Variants in AATF observed in about 807,000 individuals in gnomAD.
AATF encodes the protein protein AATF.
AATF carries 48 observed loss-of-function variants against 63.7 expected under a neutral mutation model. The ratio of observed to expected loss-of-function variants is 0.75; its 90% confidence interval spans 0.60 to 0.96. The LOEUF is 0.96. AATF is among the 40% of genes least tolerant of loss of function. The pLI is 0.00. For missense variants in AATF, 639 were observed against 685.7 expected, an observed-to-expected ratio of 0.93 and a Z score of 0.76; for synonymous variants, 258 against 247.7, an observed-to-expected ratio of 1.04 and a Z score of -0.39.
chr17:36,959,470 A>T (rs1451708501), intron 4 of AATF, among the ~76,000 whole-genome samples: 2 of 152,170 alleles, frequency 1.3e-5, no homozygotes, highest in South Asian at 2.1e-4. Context: ...AACAAACAAA[A>T]AACATGACTG....
Position 37,054,254 on chromosome 17 carries a change from T to C in AATF, c.1620-2347T>C, listed in dbSNP as rs1409811250. Reference sequence around the variant, plus strand: ...CCCCAGGGAGGGTCTGCTTTGTCTGTCTCAGAGAAGGGAGTGGAAGAGTCA... The same window carrying C: ...CCCCAGGGAGGGTCTGCTTTGTCTGCCTCAGAGAAGGGAGTGGAAGAGTCA... On this transcript the variant is annotated intron_variant, in intron 11 of 11. Coordinates refer to ENST00000619387, the MANE Select transcript of AATF (RefSeq NM_012138.4). Among the ~76,000 whole-genome samples the C allele has an allele frequency of 2.0e-5, 3 of 152,132 alleles. No homozygotes were observed. The East Asian group carries it at 5.8e-4, about 29-fold the overall frequency.
At chr17:37,049,335 G>T (rs967341320) in intron 11 of AATF, among the ~76,000 whole-genome samples, 3 of 152,122 alleles carry the variant, frequency 2.0e-5, no homozygotes, top group Non-Finnish European at 4.4e-5. Context: ...GGGCGCGGTG[G>T]CTCACGCCTG....
intron 11 of AATF, among the ~76,000 whole-genome samples, chr17:37,036,611 A>G (rs561142588): frequency 6.6e-6 from 1 of 152,202 alleles, no homozygotes; most frequent in South Asian, 2.1e-4. Context: ...TTTTAAAAAA[A>G]AAAACCTTTT....
intron 9 of AATF, among the ~76,000 whole-genome samples, chr17:37,019,309 T>G (rs1190064734): frequency 1.3e-5 from 2 of 152,242 alleles, no homozygotes; most frequent in African/African-American, 4.8e-5. Context: ...TCCAAAGTCT[T>G]TCTTATGCTC....
At chr17:36,954,092 G>C (rs1221439242) in intron 4 of AATF, among the ~76,000 whole-genome samples, 185 bp downstream of exon 4, 2 of 131,732 alleles carry the variant, frequency 1.5e-5, no homozygotes, top group Non-Finnish European at 1.5e-5. Flanking sequence ...TTTTGAGACA[G>C]AGTCTCGCTC....
intron 11 of AATF, among the ~76,000 whole-genome samples, chr17:37,042,237 T>C (rs1291130321): frequency 2.6e-5 from 4 of 152,112 alleles, no homozygotes; most frequent in Non-Finnish European, 5.9e-5. Flanking sequence ...TTCATTGTTT[T>C]ATGATTAGGC....
At chr17:37,025,832 A>G (rs990908389) in intron 10 of AATF, among the ~76,000 whole-genome samples, 3 of 152,210 alleles carry the variant, frequency 2.0e-5, no homozygotes, top group Non-Finnish European at 2.9e-5. Flanking sequence ...TTTGCAGGCA[A>G]GGTCCACAAT....
chr17:36,986,725 C>A lies in AATF; in HGVS notation c.941C>A (p.Ala314Glu), dbSNP rs200375945. The change falls in exon 5 of 12, where the codon GCG becomes GAG. Residue 314 changes from alanine to glutamate, a missense_variant. Ala to Glu is a moderately radical substitution (Grantham distance 107). Transcript: ENST00000619387. Reference sequence around the variant, plus strand: ...CTAGTAGATGGGACAAAGCCCAATGCGGGAAGGTAAGAGAACAGAATCATG... The same window carrying A: ...CTAGTAGATGGGACAAAGCCCAATGAGGGAAGGTAAGAGAACAGAATCATG... Reference protein sequence around the residue: ...RYLVDGTKPNAGSEEISSEDD... With the variant: ...RYLVDGTKPNEGSEEISSEDD... The A allele has an allele frequency of 6.2e-7, 1 of 1,612,134 alleles. No homozygotes were observed. Among genetic ancestry groups the A allele is most frequent in the Non-Finnish European group, 8.5e-7 (1 of 1,178,360 alleles).
At chr17:36,981,124 T>C (rs2071120308) in intron 4 of AATF, among the ~76,000 whole-genome samples, 1 of 152,194 alleles carries the variant, frequency 6.6e-6, no homozygotes, top group Non-Finnish European at 1.5e-5. Context: ...GCTTTCTTGT[T>C]GGATTGATAT....
intron 4 of AATF, among the ~76,000 whole-genome samples, chr17:36,974,104 G>A (rs1055477375): frequency 4.0e-5 from 6 of 151,424 alleles, no homozygotes; most frequent in East Asian, 1.9e-4. Context: ...AAATAGCCAA[G>A]CAAAATTAAG....
chr17:37,031,282 G>T, intron 10 of AATF: 1 of 297,016 alleles, frequency 3.4e-6, no homozygotes, highest in Non-Finnish European at 6.4e-6. Flanking sequence ...ATTGCATTAA[G>T]TATTTTAAGT....
In AATF at chr17:37,056,820, C is replaced by T; in HGVS notation, c.*156C>T. 3.0e-6 allele frequency: 2 copies of T among 675,718 alleles called. No individual in the cohort carries two copies. Among genetic ancestry groups the T allele is most frequent in the East Asian group, 2.7e-5 (1 of 36,424 alleles). The allele number at this position is 675,718 out of a possible 1,614,324, so 41.9% of individuals were successfully genotyped here. On this transcript the variant is annotated 3_prime_UTR_variant, in exon 12 of 12. Transcript: ENST00000619387. ...TGCCTAATACACGCAAGGGCGCTGT[C>T]CCGCCCAACCCCGCCTTTAAACGCC...
rs192978537 is a variant in AATF, at chr17:37,010,151, C to T, written c.1399-8854C>T. On this transcript the variant is annotated intron_variant, in intron 8 of 11. Transcript: ENST00000619387. ...AAAGCAAACACAGATATGGTATTTTCTCTCAGAAATAATTGTTTTCTGGCC... is the reference window on the plus strand; with the variant it reads ...AAAGCAAACACAGATATGGTATTTTTTCTCAGAAATAATTGTTTTCTGGCC... Among the ~76,000 whole-genome samples, 286 of 152,098 alleles carry T rather than the reference C, an allele frequency of 1.9e-3. 1 individual carries two copies. The highest frequency in any genetic ancestry group is 6.5e-3 in the African/African-American group (271 of 41,488).
At chr17:37,031,794 C>A in intron 11 of AATF, 109 bp downstream of exon 11, 1 of 904,592 alleles carries the variant, frequency 1.1e-6, no homozygotes, top group Non-Finnish European at 1.8e-6. Flanking sequence ...AACCATTTGT[C>A]ATTGGCATCG....
intron 4 of AATF, 104 bp downstream of exon 4, chr17:36,954,011 T>G: frequency 2.4e-6 from 3 of 1,253,174 alleles, no homozygotes; most frequent in East Asian, 2.5e-5. Flanking sequence ...TATTGTGCTT[T>G]CTTCTCATCT....
chr17:36,973,949 T>C (rs1452153397), intron 4 of AATF, among the ~76,000 whole-genome samples: 3 of 152,020 alleles, frequency 2.0e-5, no homozygotes, highest in Non-Finnish European at 4.4e-5. Context: ...CATACGCCTG[T>C]AATCCCTGCC....
intron 10 of AATF, among the ~76,000 whole-genome samples, chr17:37,028,307 C>G (rs1206011912): frequency 6.6e-6 from 1 of 151,866 alleles, no homozygotes; most frequent in East Asian, 1.9e-4. Flanking sequence ...AGTCCCAGCT[C>G]CTTGGTGGTG....
At chr17:36,970,880 CA>C (rs947723861) in intron 4 of AATF, among the ~76,000 whole-genome samples, 5 of 143,542 alleles carry the variant, frequency 3.5e-5, no homozygotes, top group South Asian at 4.4e-4. Context: ...CACTCATTTG[CA>C]AAAAAAAAAC....
At chr17:36,982,518 T>A (rs951636827) in intron 4 of AATF, among the ~76,000 whole-genome samples, 1 of 151,910 alleles carries the variant, frequency 6.6e-6, no homozygotes, top group African/African-American at 2.4e-5. Flanking sequence ...CACGCCCAGC[T>A]AATTTTTTGT....
Sources: gnomAD v4.1 joint callset for allele counts (sites outside exome capture counted in the v4.1 genomes callset) on GRCh38, gnomAD v4.1.1 for gene constraint, MANE v1.5 for transcripts, NCBI Gene and HGNC (gene_info 2026-07-23, HGNC 2026-07-21) for gene names.